The following ADHFE1 variants were observed in gnomAD, a reference collection of about 807,000 sequenced individuals.
The protein encoded by ADHFE1 is alcohol dehydrogenase iron containing 1.
Under a neutral mutation model 54.8 loss-of-function variants are expected in ADHFE1, and 37 were observed. That is an observed-to-expected ratio of 0.68 (90% CI 0.52 to 0.89). The LOEUF is 0.89. Ranked by LOEUF, ADHFE1 falls within the 40% of genes least tolerant of loss-of-function variation. The pLI is 0.00. For synonymous variants in ADHFE1, 203 were observed against 229.3 expected (o/e 0.89, Z 1.04); for missense variants, 601 against 591.2 (o/e 1.02, Z -0.17).
intron 12 of ADHFE1, among the ~76,000 whole-genome samples, chr8:66,457,399 G>A (rs1367283443): frequency 6.6e-6 from 1 of 150,970 alleles, no homozygotes; most frequent in Non-Finnish European, 1.5e-5. Flanking sequence ...GATCATCTGA[G>A]CCCAGGAAGT....
In ADHFE1 at chr8:66,447,930, A is replaced by G. The variant is rs562276228; in HGVS notation, c.628+589A>G. Among the ~76,000 whole-genome samples, 3 of 152,352 alleles carry G rather than the reference A, an allele frequency of 2.0e-5. No homozygotes were observed. In the South Asian group the frequency reaches 6.2e-4, roughly 32 times the overall value. ...TTGAGATATGACTTTTGTATAATAA[A>G]ATGCACACATTTTAAGAATCTGGTT... On this transcript the variant is annotated intron_variant, in intron 7 of 13. Coordinates refer to ENST00000396623, the MANE Select transcript of ADHFE1 (RefSeq NM_144650.3).
At chr8:66,441,986 G>T (rs114487318) in intron 2 of ADHFE1, among the ~76,000 whole-genome samples, 1 of 151,460 alleles carries the variant, frequency 6.6e-6, no homozygotes, top group East Asian at 1.9e-4. Flanking sequence ...AAAAAAAAAG[G>T]TTTATTAAAT....
rs926039270 is a variant in ADHFE1, at chr8:66,439,066, C to A, written c.60-1096C>A. Among the ~76,000 whole-genome samples the A allele has an allele frequency of 3.9e-5, 6 of 152,016 alleles. No homozygotes were observed. Among genetic ancestry groups the A allele is most frequent in the Non-Finnish European group, 8.8e-5 (6 of 67,978 alleles). On this transcript the variant is annotated intron_variant, in intron 1 of 13. Transcript: ENST00000396623. This position sits in a 1 kb window ranked among gnomAD's most constrained non-coding sequence, Gnocchi z 4.4. ...CCTGGCCTGGCCCGCGTCCTCTCCC[C>A]CGGCGCGCGCGTCGGGAACCACTAG...
intron 2 of ADHFE1, among the ~76,000 whole-genome samples, chr8:66,441,447 A>G (rs975400477): frequency 2.6e-5 from 4 of 152,188 alleles, no homozygotes; most frequent in Non-Finnish European, 5.9e-5. Context: ...GTTTTGGTTA[A>G]GGATGCCTTT....
At position 66,468,848 on chromosome 8, in the gene ADHFE1, T is replaced by C. The variant is rs1807317894; in HGVS notation, c.*496T>C. On this transcript the variant is annotated 3_prime_UTR_variant, in exon 14 of 14. Transcript: ENST00000396623. ...TTATTGGTATATAGATCACTTATAG[T>C]ATACTAGACAGTGGAATACTATGGT... The C allele has an allele frequency of 6.6e-6, 1 of 152,460 alleles. No homozygotes were observed. The highest frequency in any genetic ancestry group is 6.5e-5 in the Admixed American group (1 of 15,294). 9.4% of individuals were successfully genotyped at this position (152,460 alleles called of 1,614,324 possible).
At chr8:66,438,740 T>C (rs1026554770) in intron 1 of ADHFE1, among the ~76,000 whole-genome samples, 29 of 151,080 alleles carry the variant, frequency 1.9e-4, no homozygotes, top group Admixed American at 1.6e-3. Context: ...CTGAAAAAGA[T>C]TGAGTGAGGG....
At chr8:66,442,161 T>C (rs1805783559) in intron 2 of ADHFE1, among the ~76,000 whole-genome samples, 1 of 152,182 alleles carries the variant, frequency 6.6e-6, no homozygotes, top group South Asian at 2.1e-4. Flanking sequence ...CTAATAGTTG[T>C]TCTGTAATAG....
At chr8:66,454,839 G>A (rs1287021713) in intron 10 of ADHFE1, among the ~76,000 whole-genome samples, 1 of 151,790 alleles carries the variant, frequency 6.6e-6, no homozygotes, top group Non-Finnish European at 1.5e-5. Context: ...TCAGCCTCCT[G>A]ATTAGCTGGG....
rs1236196129 is a variant in ADHFE1 at position 66,439,459 on chromosome 8, G to A, written c.60-703G>A. ...AGGGACCACAGCCAGGGGAGGGAGG[G>A]TTTCCAAAAAGGAGGACGTGGGAAA... On this transcript the variant is annotated intron_variant, in intron 1 of 13. Transcript: ENST00000396623. The surrounding 1 kb of genome is among the most constrained non-coding windows in gnomAD (Gnocchi z 4.4). 9 of 985,998 alleles carry A rather than the reference G, an allele frequency of 9.1e-6. No individual in the cohort carries two copies. Among genetic ancestry groups the A allele is most frequent in the Non-Finnish European group, 1.1e-5 (9 of 830,342 alleles). 61.1% of individuals were successfully genotyped at this position (985,998 alleles called of 1,614,324 possible). A position where few individuals can be genotyped will look rare whatever the true frequency, so the allele number is the denominator to read the frequency against.
chr8:66,452,296 C>A (rs1047945509), intron 9 of ADHFE1, among the ~76,000 whole-genome samples, 191 bp downstream of exon 9: 1 of 152,166 alleles, frequency 6.6e-6, no homozygotes, highest in African/African-American at 2.4e-5. Flanking sequence ...AAAACTGGGT[C>A]CTTCAGTCCC....
chr8:66,440,413 C>A (rs189882759), intron 2 of ADHFE1, among the ~76,000 whole-genome samples: 4 of 152,290 alleles, frequency 2.6e-5, no homozygotes, highest in Admixed American at 1.3e-4. Context: ...TCTCAAATAT[C>A]TATTTAATGC....
At chr8:66,445,138 T>TA (rs1251347781) in intron 5 of ADHFE1, 80 bp from the exon 6 acceptor site, 25 of 1,357,476 alleles carry the variant, frequency 1.8e-5, no homozygotes, top group Non-Finnish European at 2.5e-5. Context: ...CCACAAAACT[T>TA]ACCCCAAGCC....
At position 66,448,948 on chromosome 8, in the gene ADHFE1, A is replaced by C; in HGVS notation, c.712A>C (p.Asn238His). 2 of 1,614,084 alleles carry C rather than the reference A, an allele frequency of 1.2e-6. No homozygotes were observed. The highest frequency in any genetic ancestry group is 1.7e-6 in the Non-Finnish European group (2 of 1,180,008). Residue 238 changes from asparagine (N) to histidine (H), a missense_variant, in exon 8 of 14, where the codon AAC (asparagine) becomes CAC (histidine). Asn to His is a moderately conservative substitution (Grantham distance 68). Transcript: ENST00000396623. The part of the protein sequence containing the change: ...TLHMPARVVA[N>H]SGFDVLCHAL... ...CCACATGCCTGCCCGAGTGGTCGCC[A>C]ACAGTGGCTTTGATGTGCTTTGGTA... is the stretch of plus-strand genomic sequence containing the variant.
intron 10 of ADHFE1, among the ~76,000 whole-genome samples, chr8:66,455,031 G>T (rs2130444344): frequency 6.6e-6 from 1 of 152,262 alleles, no homozygotes; most frequent in Middle Eastern, 3.4e-3. Context: ...TTCTATCTCT[G>T]TAGACTTCCC....
intron 10 of ADHFE1, among the ~76,000 whole-genome samples, chr8:66,455,152 G>A (rs1474335700): frequency 1.3e-5 from 2 of 152,194 alleles, no homozygotes. Context: ...ATAGGTAGGA[G>A]CAGAATTGCT....
At chr8:66,458,406 AG>A (rs1381317947) in intron 12 of ADHFE1, among the ~76,000 whole-genome samples, 1 of 152,140 alleles carries the variant, frequency 6.6e-6, no homozygotes, top group East Asian at 1.9e-4. Context: ...CATTTCCCAG[AG>A]GGTGCTGAGG....
chr8:66,465,714 C>A (rs1429535682), intron 13 of ADHFE1, among the ~76,000 whole-genome samples: 3 of 151,988 alleles, frequency 2.0e-5, no homozygotes, highest in Admixed American at 6.6e-5. Flanking sequence ...GTTCTCCTGC[C>A]TTAGCCTCCT....
intron 12 of ADHFE1, chr8:66,459,426 A>T (rs1350933670): frequency 4.6e-5 from 5 of 108,552 alleles, no homozygotes; most frequent in African/African-American, 1.2e-4. Flanking sequence ...ATATATATAT[A>T]TATATTTTTT....
intron 5 of ADHFE1, 87 bp from the exon 6 acceptor site, chr8:66,445,131 C>A (rs1805963418): frequency 1.5e-6 from 2 of 1,315,430 alleles, no homozygotes; most frequent in South Asian, 1.5e-5. Flanking sequence ...AAAAACCCCA[C>A]AAAACTTACC....
Sources: gnomAD v4.1 joint callset for allele counts (sites outside exome capture counted in the v4.1 genomes callset) on GRCh38, gnomAD v4.1.1 for gene constraint, Gnocchi (gnomAD v3.1) non-coding constraint, MANE v1.5 for transcripts, NCBI Gene and HGNC (gene_info 2026-07-23, HGNC 2026-07-21) for gene names.